ITK: variants seen among roughly 807,000 people sequenced by gnomAD.
The protein encoded by ITK is tyrosine-protein kinase ITK/TSK.
A neutral mutation model predicts 87.6 loss-of-function variants in ITK; 45 were observed. The observed-to-expected ratio is 0.51, with a 90% CI of 0.40 to 0.66. The LOEUF (loss-of-function observed/expected upper bound fraction) is 0.66. Ranked by LOEUF, ITK falls within the 30% of genes least tolerant of loss-of-function variation. The pLI is 0.00. For missense variants in ITK, 605 were observed against 766.3 expected (o/e 0.79, Z 2.48); for synonymous variants, 303 against 273.6 (o/e 1.11, Z -1.06).
intron 7 of ITK, 71 bp downstream of exon 7, chr5:157,228,432 G>C: frequency 2.2e-6 from 2 of 920,716 alleles, no homozygotes; most frequent in South Asian, 1.3e-5. Flanking sequence ...ATAAATTATT[G>C]GTTGACTGTA....
chr5:157,228,676 C>T (rs1002159784), intron 7 of ITK, among the ~76,000 whole-genome samples: 6 of 152,024 alleles, frequency 3.9e-5, no homozygotes, highest in African/African-American at 1.4e-4. Flanking sequence ...TCACTGTCAC[C>T]CAGGCTGGAG....
intron 11 of ITK, among the ~76,000 whole-genome samples, chr5:157,242,067 A>G (rs1754919027): frequency 6.6e-6 from 1 of 152,210 alleles, no homozygotes. Flanking sequence ...TATCTTCTAG[A>G]ACTTTTATAT....
At chr5:157,238,324 C>T (rs1754818771) in intron 9 of ITK, 133 bp downstream of exon 9, 1 of 745,580 alleles carries the variant, frequency 1.3e-6, no homozygotes, top group Non-Finnish European at 2.4e-6. Flanking sequence ...TCCCTCTTTA[C>T]TCCGAGAAAA....
intron 3 of ITK, among the ~76,000 whole-genome samples, chr5:157,213,390 C>T (rs914993297): frequency 9.2e-5 from 14 of 152,250 alleles, no homozygotes; most frequent in Middle Eastern, 3.4e-3. Context: ...CAGAGCCAAA[C>T]GATATCAGAC....
intron 1 of ITK, among the ~76,000 whole-genome samples, chr5:157,191,643 G>T (rs138286850): frequency 6.6e-6 from 1 of 152,082 alleles, no homozygotes; most frequent in Non-Finnish European, 1.5e-5. Flanking sequence ...TCATATAAAT[G>T]TATTTCCATA....
In ITK at chr5:157,254,812, CT is replaced by C; in HGVS notation, c.*2139del. On this transcript the variant is annotated 3_prime_UTR_variant, in exon 17 of 17. Coordinates refer to ENST00000422843, the MANE Select transcript of ITK (RefSeq NM_005546.4). ...AAAATTCCCCTGTGCATGGTATTAC[CT>C]TTTTCAAGCTCAGATTCATCTAATC... The C allele has an allele frequency of 1.4e-5, 3 of 217,536 alleles. No homozygotes were observed. The highest frequency in any genetic ancestry group is 6.8e-5 in the East Asian group (1 of 14,718). The allele number at this position is 217,536 out of a possible 1,614,324, so 13.5% of individuals were successfully genotyped here.
chr5:157,181,425 A>T (rs1328063753), intron 1 of ITK, among the ~76,000 whole-genome samples: 1 of 152,208 alleles, frequency 6.6e-6, no homozygotes, highest in Non-Finnish European at 1.5e-5. Flanking sequence ...TTATGATTCG[A>T]TAAAACTTGA....
chr5:157,185,281 C>T (rs1753618599), intron 1 of ITK, among the ~76,000 whole-genome samples: 2 of 151,518 alleles, frequency 1.3e-5, no homozygotes, highest in South Asian at 4.2e-4. Context: ...CTGTGTCACC[C>T]AGGCTGGAGC....
rs569349074 is a variant in ITK at position 157,228,532 on chromosome 5, C to A, written c.713+171C>A. Among the ~76,000 whole-genome samples, 3 of 152,254 alleles carry A rather than the reference C, an allele frequency of 2.0e-5. No homozygotes were observed. The South Asian group carries it at 6.2e-4, about 32-fold the overall frequency. On this transcript the variant is annotated intron_variant, in intron 7 of 16. Transcript: ENST00000422843. ...AAATAAGGCTTTCCACTAAAAAAAC[C>A]AGGACTTTCTGGAGAAAAGGCTTGG...
rs546990394 is a variant in ITK at position 157,198,363 on chromosome 5, G to A, written c.139-10526G>A. On this transcript the variant is annotated intron_variant, in intron 1 of 16. Coordinates refer to ENST00000422843, the MANE Select transcript of ITK (RefSeq NM_005546.4). ...AAGTCTCACTTTTTTCATTTGGGTG[G>A]CCAGGGTGTTACTATTTTCAAATGG... 5.3e-5 allele frequency among the ~76,000 whole-genome samples: 8 copies of A among 151,734 alleles called. No homozygotes were observed. In the South Asian group the frequency reaches 1.5e-3, roughly 28 times the overall value.
chr5:157,224,735 C>T (rs1754497537), intron 6 of ITK, among the ~76,000 whole-genome samples: 1 of 152,108 alleles, frequency 6.6e-6, no homozygotes, highest in South Asian at 2.1e-4. Flanking sequence ...GGGCCAAGCT[C>T]ACACCACTGC....
intron 1 of ITK, among the ~76,000 whole-genome samples, chr5:157,203,180 G>A (rs1218566036): frequency 2.0e-5 from 3 of 152,094 alleles, no homozygotes; most frequent in Admixed American, 2.0e-4. Flanking sequence ...TCTTTGTTTT[G>A]TCTGCCTTCC....
At chr5:157,200,756 C>G (rs1753954045) in intron 1 of ITK, among the ~76,000 whole-genome samples, 1 of 152,170 alleles carries the variant, frequency 6.6e-6, no homozygotes, top group South Asian at 2.1e-4. Flanking sequence ...GCTCATCTGA[C>G]AGCCTGTTAA....
rs1377471711 is a variant in ITK, at chr5:157,189,345, C to T, written c.138+8230C>T. ...AGCCCACAGAGAAATACTATAAACA[C>T]GAGAGTTTAGATTCTGACTCAGTCT... On this transcript the variant is annotated intron_variant, in intron 1 of 16. Coordinates refer to ENST00000422843, the MANE Select transcript of ITK (RefSeq NM_005546.4). Among the ~76,000 whole-genome samples, 6 of 152,216 alleles carry T rather than the reference C, an allele frequency of 3.9e-5. No homozygotes were observed. In the East Asian group the frequency reaches 5.8e-4, roughly 15 times the overall value.
chr5:157,216,460 G>A (rs1754300357), intron 4 of ITK, among the ~76,000 whole-genome samples: 1 of 152,168 alleles, frequency 6.6e-6, no homozygotes. Context: ...GTGTCTACTT[G>A]TCTTCCTTAT....
At chr5:157,202,454 T>TC (rs200206778) in intron 1 of ITK, among the ~76,000 whole-genome samples, 2,001 of 152,262 alleles carry the variant, frequency 0.013, 37 homozygotes, top group African/African-American at 0.045. Context: ...CCTCAAGTGA[T>TC]CTGCTGCCTT....
rs761944107 is a variant in ITK, at chr5:157,253,930, A to G, written c.*1252A>G. 1.1e-4 allele frequency: 25 copies of G among 221,984 alleles called. No homozygotes were observed. The highest frequency in any genetic ancestry group is 2.2e-4 in the Non-Finnish European group (24 of 111,114). The allele number at this position is 221,984 out of a possible 1,614,324, so 13.8% of individuals were successfully genotyped here. On this transcript the variant is annotated 3_prime_UTR_variant, in exon 17 of 17. Transcript: ENST00000422843. ...AGACTTCCCTGCAAAATCTCTGTTCACCCTGGGTTCACATCCCCATGAGGT... is the reference window on the plus strand; with the variant it reads ...AGACTTCCCTGCAAAATCTCTGTTCGCCCTGGGTTCACATCCCCATGAGGT...
chr5:157,205,223 A>T (rs895926777), intron 1 of ITK, among the ~76,000 whole-genome samples: 2 of 152,192 alleles, frequency 1.3e-5, no homozygotes, highest in African/African-American at 4.8e-5. Context: ...ATCAGATGTA[A>T]AAACCAGGGT....
At chr5:157,191,221 C>T (rs894119063) in intron 1 of ITK, among the ~76,000 whole-genome samples, 1 of 152,038 alleles carries the variant, frequency 6.6e-6, no homozygotes, top group Non-Finnish European at 1.5e-5. Context: ...CTCACTGCAA[C>T]CTCCGCAGTG....
Sources: allele counts gnomAD v4.1 joint callset (sites outside exome capture counted in the v4.1 genomes callset), GRCh38; gene constraint gnomAD v4.1.1; transcripts MANE v1.5; gene names NCBI Gene and HGNC (gene_info 2026-07-23, HGNC 2026-07-21).